OPCML: variants seen among roughly 807,000 people sequenced by gnomAD.
The protein encoded by OPCML is opioid-binding protein/cell adhesion molecule.
A neutral mutation model predicts 37.8 loss-of-function variants in OPCML; 13 were observed. That is an observed-to-expected ratio of 0.34 (90% CI 0.22 to 0.55). The LOEUF is 0.55. Ranked by LOEUF, OPCML falls within the 20% of genes least tolerant of loss-of-function variation. The pLI, the probability that OPCML is intolerant of heterozygous loss-of-function variation, is 0.91. For missense variants in OPCML, 341 were observed against 435.6 expected, an observed-to-expected ratio of 0.78 and a Z score of 1.93; for synonymous variants, 176 against 168.8, an observed-to-expected ratio of 1.04 and a Z score of -0.33.
At chr11:133,384,992 GCCTCTGGGTGCCACACCCTTGTGGAACC>G (rs1363881571) in intron 1 of OPCML, among the ~76,000 whole-genome samples, 3 of 152,246 alleles carry the variant, frequency 2.0e-5, no homozygotes, top group Admixed American at 2.0e-4. Flanking sequence ...CGAGGTCTCC[GCCTCTGGGTGCCACACCCTTGTGGAACC>G]CCTCCTTGTG....
At chr11:132,928,091 T>C (rs1035347205) in intron 2 of OPCML, among the ~76,000 whole-genome samples, 1 of 151,356 alleles carries the variant, frequency 6.6e-6, no homozygotes, top group East Asian at 1.9e-4. Flanking sequence ...ACAGAAAAAA[T>C]ATATAACAAA....
intron 4 of OPCML, 31 bp from the exon 5 acceptor site, chr11:132,437,390 C>A: frequency 6.2e-7 from 1 of 1,610,836 alleles, no homozygotes; most frequent in Non-Finnish European, 8.5e-7. Context: ...AGGAAACAAT[C>A]AGGAAACTGT....
intron 1 of OPCML, among the ~76,000 whole-genome samples, chr11:133,103,120 T>C (rs558909297): frequency 6.6e-6 from 1 of 152,348 alleles, no homozygotes; most frequent in East Asian, 1.9e-4. Context: ...TTACTTTTTT[T>C]CTAATAGTGA....
intron 1 of OPCML, among the ~76,000 whole-genome samples, chr11:132,960,735 C>A (rs988069943): frequency 1.3e-5 from 2 of 152,238 alleles, no homozygotes; most frequent in Non-Finnish European, 2.9e-5. Context: ...GCTTTCGAAT[C>A]TCCCCCACCC....
chr11:133,216,920 G>C (rs915497377), intron 1 of OPCML, among the ~76,000 whole-genome samples: 3 of 152,082 alleles, frequency 2.0e-5, no homozygotes, highest in African/African-American at 7.2e-5. Flanking sequence ...TGTATTTATA[G>C]ATATATATTT....
At chr11:132,774,407 G>A (rs536354269) in intron 2 of OPCML, among the ~76,000 whole-genome samples, 2 of 151,626 alleles carry the variant, frequency 1.3e-5, no homozygotes, top group Non-Finnish European at 2.9e-5. Flanking sequence ...TTTTTTCATC[G>A]TACAGGCTCC....
At chr11:132,893,007 G>A (rs1018185439) in intron 2 of OPCML, among the ~76,000 whole-genome samples, 1 of 152,102 alleles carries the variant, frequency 6.6e-6, no homozygotes, top group Non-Finnish European at 1.5e-5. Flanking sequence ...CCCACTCACT[G>A]TTTATAATTC....
At chr11:132,924,084 T>C (rs1005661110) in intron 2 of OPCML, among the ~76,000 whole-genome samples, 3 of 151,906 alleles carry the variant, frequency 2.0e-5, no homozygotes, top group Non-Finnish European at 4.4e-5. Context: ...CGAAATCTTG[T>C]TCCTGCCCTC....
At chr11:132,963,984 G>A (rs1404045493) in intron 1 of OPCML, among the ~76,000 whole-genome samples, 1 of 152,062 alleles carries the variant, frequency 6.6e-6, no homozygotes, top group Admixed American at 6.6e-5. Flanking sequence ...AATGTATACG[G>A]CAGGTCAGGC....
rs1565486110 is a variant in OPCML at position 133,174,200 on chromosome 11, C to T, written c.62-231190G>A. 6.6e-6 allele frequency among the ~76,000 whole-genome samples: 1 copy of T among 152,176 alleles called. No individual in the cohort carries two copies. Among genetic ancestry groups the T allele is most frequent in the African/African-American group, 2.4e-5 (1 of 41,444 alleles). On this transcript the variant is annotated intron_variant, in intron 1 of 7. Coordinates refer to ENST00000524381, the MANE Select transcript of OPCML (RefSeq NM_001012393.5). This position sits in a 1 kb window ranked among gnomAD's most constrained non-coding sequence, Gnocchi z 4.6. ...CACAAAGAAATGCTTCCCTCCCCTA[C>T]CACGACAGGAAGAAGGAAATGGAGC...
Position 133,174,916 on chromosome 11 carries a change from A to G in OPCML, c.62-231906T>C, listed in dbSNP as rs1231614635. On this transcript the variant is annotated intron_variant, in intron 1 of 7. Transcript: ENST00000524381. This position sits in a 1 kb window ranked among gnomAD's most constrained non-coding sequence, Gnocchi z 4.6. ...CAGGAGTTTAAGTCCAGCCAGAGCA[A>G]CAAAGTGAGACTCCTGTCTCTACAA... is the stretch of plus-strand genomic sequence containing the variant. Among the ~76,000 whole-genome samples the G allele has an allele frequency of 6.6e-6, 1 of 152,232 alleles. No homozygotes were observed. Among genetic ancestry groups the G allele is most frequent in the African/African-American group, 2.4e-5 (1 of 41,468 alleles).
intron 1 of OPCML, among the ~76,000 whole-genome samples, chr11:133,147,325 T>A (rs1488412447): frequency 1.3e-5 from 2 of 151,946 alleles, no homozygotes; most frequent in Non-Finnish European, 2.9e-5. Flanking sequence ...ATGGGAGATT[T>A]GAGGAGTTAT....
At chr11:133,407,731 T>A (rs1034654608) in intron 1 of OPCML, among the ~76,000 whole-genome samples, 1 of 152,238 alleles carries the variant, frequency 6.6e-6, no homozygotes, top group African/African-American at 2.4e-5. Flanking sequence ...GGTCAGAGAC[T>A]GTGGTCAGAG....
intron 1 of OPCML, among the ~76,000 whole-genome samples, chr11:133,415,836 A>G (rs1402360047): frequency 6.6e-6 from 1 of 152,180 alleles, no homozygotes; most frequent in African/African-American, 2.4e-5. Context: ...GCCCCGTGAT[A>G]CGGAAGTCCA....
intron 3 of OPCML, among the ~76,000 whole-genome samples, chr11:132,567,327 C>T (rs968058648): frequency 6.6e-6 from 1 of 152,178 alleles, no homozygotes; most frequent in South Asian, 2.1e-4. Flanking sequence ...ATTGGTCTAA[C>T]CCAGATCAGG....
chr11:133,024,180 T>C (rs987732952), intron 1 of OPCML, among the ~76,000 whole-genome samples: 1 of 152,088 alleles, frequency 6.6e-6, no homozygotes, highest in Non-Finnish European at 1.5e-5. Flanking sequence ...TTCAACACTG[T>C]TTTCCTGGAG....
At chr11:133,373,288 C>T (rs1243997002) in intron 1 of OPCML, among the ~76,000 whole-genome samples, 6 of 151,596 alleles carry the variant, frequency 4.0e-5, no homozygotes, top group Admixed American at 2.6e-4. Flanking sequence ...AGTGGCCAGC[C>T]GCAGGGGCTC....
chr11:133,062,169 G>T (rs1948354272), intron 1 of OPCML, among the ~76,000 whole-genome samples: 1 of 152,196 alleles, frequency 6.6e-6, no homozygotes, highest in South Asian at 2.1e-4. Flanking sequence ...AGGGAGGAAA[G>T]CACAGGAGCA....
chr11:133,359,947 A>G (rs1944377081), intron 1 of OPCML: 1 of 152,212 alleles, frequency 6.6e-6, no homozygotes. Flanking sequence ...CCACAAAGCT[A>G]TGTGAACCCA....
Sources: gnomAD v4.1 joint callset for allele counts (sites outside exome capture counted in the v4.1 genomes callset) on GRCh38, gnomAD v4.1.1 for gene constraint, Gnocchi (gnomAD v3.1) non-coding constraint, MANE v1.5 for transcripts, NCBI Gene and HGNC (gene_info 2026-07-23, HGNC 2026-07-21) for gene names.